The following SH3BP2 variants were observed in gnomAD, a reference collection of about 807,000 sequenced individuals.
SH3BP2 encodes SH3 domain binding protein 2.
Under a neutral mutation model 56.2 loss-of-function variants are expected in SH3BP2, and 38 were observed. That is an observed-to-expected ratio of 0.68 (90% CI 0.52 to 0.89). The LOEUF (loss-of-function observed/expected upper bound fraction) is 0.89. Among genes scored for constraint, SH3BP2 ranks in the 40% least tolerant of loss-of-function variants. SH3BP2 has a pLI of 0.00. For missense variants in SH3BP2, 748 were observed against 762.6 expected (o/e 0.98, Z 0.23); for synonymous variants, 346 against 316.7 (o/e 1.09, Z -0.98).
intron 1 of SH3BP2, chr4:2,793,870 C>A (rs1722977108): frequency 6.6e-6 from 1 of 152,338 alleles, no homozygotes; most frequent in Non-Finnish European, 1.5e-5. Flanking sequence ...CACCTGTACG[C>A]TGGCCTCCCT....
intron 1 of SH3BP2, among the ~76,000 whole-genome samples, chr4:2,816,124 G>A (rs957118177): frequency 6.6e-6 from 1 of 151,554 alleles, no homozygotes; most frequent in Non-Finnish European, 1.5e-5. Context: ...GCGCAATCTC[G>A]GCTCACTGCT....
intron 1 of SH3BP2, among the ~76,000 whole-genome samples, chr4:2,813,447 G>A (rs1372101520): frequency 2.0e-5 from 3 of 152,152 alleles, no homozygotes; most frequent in Non-Finnish European, 4.4e-5. Flanking sequence ...CAGTGCGCTC[G>A]GCACAAGGCC....
intron 1 of SH3BP2, chr4:2,809,929 A>G: frequency 1.8e-6 from 1 of 560,136 alleles, no homozygotes; most frequent in Non-Finnish European, 2.3e-6. Context: ...GGAAGGATGG[A>G]GAGGGACACC....
chr4:2,798,959 G>A, intron 1 of SH3BP2: 1 of 984,332 alleles, frequency 1.0e-6, no homozygotes. Context: ...CTGCTGGGGC[G>A]GGGTGTGTGG....
intron 1 of SH3BP2, among the ~76,000 whole-genome samples, chr4:2,795,128 C>G (rs1723019691): frequency 6.6e-6 from 1 of 152,068 alleles, no homozygotes; most frequent in South Asian, 2.1e-4. Flanking sequence ...GTGACATGTG[C>G]TTGGTATTCA....
At position 2,831,772 on chromosome 4, in the gene SH3BP2, C is replaced by T; in HGVS notation, c.1350+93C>T. ...CCAGGGCGGCCCCTCACAGACCGTC[C>T]TGAGCAAGGACCCCCCGAGAACCCG... is the stretch of plus-strand genomic sequence containing the variant. On this transcript the variant is annotated intron_variant, in intron 9 of 12. Transcript: ENST00000503393. This position sits in a 1 kb window ranked among gnomAD's most constrained non-coding sequence, Gnocchi z 4.1. The T allele has an allele frequency of 7.3e-7, 1 of 1,363,104 alleles. No homozygotes were observed. The highest frequency in any genetic ancestry group is 1.0e-6 in the Non-Finnish European group (1 of 973,752). The allele number at this position is 1,363,104 out of a possible 1,614,324, so 84.4% of individuals were successfully genotyped here.
At chr4:2,815,163 C>T (rs1338942621) in intron 1 of SH3BP2, among the ~76,000 whole-genome samples, 2 of 152,156 alleles carry the variant, frequency 1.3e-5, no homozygotes, top group African/African-American at 4.8e-5. Flanking sequence ...TCAGCCTCAG[C>T]CGACCTTTCC....
At chr4:2,833,219 C>G (rs1437560094) in intron 12 of SH3BP2, 170 bp downstream of exon 12, 1 of 685,988 alleles carries the variant, frequency 1.5e-6, no homozygotes, top group Non-Finnish European at 2.6e-6. Context: ...TCCTGCTCAG[C>G]CTCCCTCCTC....
rs903877022 is a variant in SH3BP2, at chr4:2,838,891, T to G, written c.*5057T>G. ...TTTCTAGGGTTTGTACTCAGGAGTC[T>G]GACTCCTGGGTTCTAGGGTATGAAG... On this transcript the variant is annotated 3_prime_UTR_variant, in exon 13 of 13. Transcript: ENST00000503393. The G allele has an allele frequency of 2.4e-4, 36 of 152,216 alleles. No individual in the cohort carries two copies. The highest frequency in any genetic ancestry group is 8.4e-4 in the African/African-American group (35 of 41,446). 9.4% of individuals were successfully genotyped at this position (152,216 alleles called of 1,614,324 possible).
chr4:2,796,345 C>T (rs998860435), intron 1 of SH3BP2: 1 of 910,664 alleles, frequency 1.1e-6, no homozygotes. Flanking sequence ...AGAAAGGTGC[C>T]CTCCCCCAAC....
Position 2,830,006 on chromosome 4 carries a change from C to T in SH3BP2, c.1100C>T (p.Pro367Leu). 1.9e-6 allele frequency: 3 copies of T among 1,613,102 alleles called. No individual in the cohort carries two copies. The highest frequency in any genetic ancestry group is 1.6e-4 in the Middle Eastern group (1 of 6,062). The change falls in exon 8 of 13, where the codon CCC (proline) becomes CTC (leucine). Residue 367 changes from proline (P) to leucine (L), a missense_variant. Transcript: ENST00000503393. The part of the protein sequence containing the change: ...PKFLKIAEED[P>L]PREAAMPGLF... The stretch of plus-strand genomic sequence containing the variant: ...TTCCTGAAGATAGCTGAAGAGGACC[C>T]CCCAAGGGAGGCAGCCATGCCCGGA...
At chr4:2,802,530 G>A (rs71614995) in intron 1 of SH3BP2, among the ~76,000 whole-genome samples, 1,425 of 70,708 alleles carry the variant, frequency 0.02, 32 homozygotes, top group African/African-American at 0.092. Flanking sequence ...ATATATATAT[G>A]TATGTGTGTG....
intron 1 of SH3BP2, among the ~76,000 whole-genome samples, chr4:2,802,647 A>ATATATG (rs1429513782): frequency 8.0e-5 from 12 of 149,474 alleles, no homozygotes; most frequent in African/African-American, 3.0e-4. Context: ...GTGTGTATAT[A>ATATATG]TATATGTATA....
chr4:2,801,884 G>T (rs954222067), intron 1 of SH3BP2, among the ~76,000 whole-genome samples: 3 of 152,178 alleles, frequency 2.0e-5, no homozygotes, highest in Non-Finnish European at 4.4e-5. Flanking sequence ...AAGGCGGGTG[G>T]ATTAGTTGAG....
In SH3BP2 at chr4:2,834,971, G is replaced by A. The variant is rs1229666979; in HGVS notation, c.*1137G>A. On this transcript the variant is annotated 3_prime_UTR_variant, in exon 13 of 13. Transcript: ENST00000503393. Reference sequence around the variant, plus strand: ...GGGACGGTGGTACCCAGATGCCCAAGTCTTCCAGGCAATACCTGGCTCAGG... The same window carrying A: ...GGGACGGTGGTACCCAGATGCCCAAATCTTCCAGGCAATACCTGGCTCAGG... The A allele has an allele frequency of 6.6e-6, 1 of 152,316 alleles. No homozygotes were observed. Among genetic ancestry groups the A allele is most frequent in the Non-Finnish European group, 1.5e-5 (1 of 68,142 alleles). The allele number at this position is 152,316 out of a possible 1,614,324, so 9.4% of individuals were successfully genotyped here.
intron 3 of SH3BP2, 52 bp from the exon 4 acceptor site, chr4:2,824,561 G>T (rs184385853): frequency 8.3e-5 from 113 of 1,366,988 alleles, no homozygotes; most frequent in Middle Eastern, 1.8e-4. Flanking sequence ...CTGTGGGAAG[G>T]CCATCCCTAT....
chr4:2,825,450 ACACACACAGAGCAACACGTGGACATGCG>A (rs1220050858), intron 5 of SH3BP2, among the ~76,000 whole-genome samples: 4 of 144,278 alleles, frequency 2.8e-5, no homozygotes, highest in Non-Finnish European at 1.6e-5. Flanking sequence ...GCGGACATGC[ACACACACAGAGCAACACGTGGACATGCG>A]CACACACACA....
chr4:2,794,447 G>A (rs1722997131), intron 1 of SH3BP2, among the ~76,000 whole-genome samples: 1 of 152,102 alleles, frequency 6.6e-6, no homozygotes. Flanking sequence ...CCCACTCCAG[G>A]CACTCCACTC....
intron 1 of SH3BP2, among the ~76,000 whole-genome samples, chr4:2,794,764 G>C (rs976315180): frequency 6.6e-6 from 1 of 152,244 alleles, no homozygotes. Context: ...GACAGGCTCT[G>C]GGCCTGCCTT....
Sources: allele counts gnomAD v4.1 joint callset (sites outside exome capture counted in the v4.1 genomes callset), GRCh38; gene constraint gnomAD v4.1.1; non-coding constraint Gnocchi (gnomAD v3.1); transcripts MANE v1.5; gene names NCBI Gene and HGNC (gene_info 2026-07-23, HGNC 2026-07-21).